BEND6: variants seen among roughly 807,000 people sequenced by gnomAD.
BEND6 encodes the protein BEN domain containing 6, also known as BEN domain-containing protein 6.
Under a neutral mutation model 31.8 loss-of-function variants are expected in BEND6, and 24 were observed. The observed-to-expected ratio is 0.75, with a 90% confidence interval of 0.55 to 1.06. BEND6 has a LOEUF of 1.06. Among genes scored for constraint, BEND6 ranks in the 50% least tolerant of loss-of-function variants. BEND6 has a pLI of 0.00. For synonymous variants in BEND6, 109 were observed against 114.6 expected (o/e 0.95, Z 0.31); for missense variants, 294 against 327.4 (o/e 0.90, Z 0.79).
chr6:57,026,459 C>T lies in BEND6; in HGVS notation c.*387C>T, dbSNP rs764328098. 4 of 152,214 alleles carry T rather than the reference C, an allele frequency of 2.6e-5. No individual in the cohort carries two copies. Among genetic ancestry groups the T allele is most frequent in the African/African-American group, 4.8e-5 (2 of 41,444 alleles). 9.4% of individuals were successfully genotyped at this position (152,214 alleles called of 1,614,324 possible). On this transcript the variant is annotated 3_prime_UTR_variant, in exon 7 of 7. Transcript: ENST00000370746. Reference sequence around the variant, plus strand: ...GCCCATAGGTTAGTCATTGTCCTAACCAATCATTGTACATTGATTATTACC... The same window carrying T: ...GCCCATAGGTTAGTCATTGTCCTAATCAATCATTGTACATTGATTATTACC...
At chr6:56,973,418 G>A (rs531482833) in intron 1 of BEND6, among the ~76,000 whole-genome samples, 1 of 152,248 alleles carries the variant, frequency 6.6e-6, no homozygotes, top group African/African-American at 2.4e-5. Context: ...ACAGTGGGTT[G>A]TACCGAACTC....
rs1311102644 is a variant in BEND6 at position 57,026,662 on chromosome 6, TA to T, written c.*595del. 2.0e-5 allele frequency: 3 copies of T among 152,212 alleles called. No individual in the cohort carries two copies. Among genetic ancestry groups the T allele is most frequent in the Admixed American group, 6.5e-5 (1 of 15,286 alleles). 9.4% of individuals were successfully genotyped at this position (152,212 alleles called of 1,614,324 possible). A position where few individuals can be genotyped will look rare whatever the true frequency, so the allele number is the denominator to read the frequency against. ...AAAATTACAGGATTATTCTGTTATC[TA>T]AAAATGTATAAAATGGGAATATGAA... On this transcript the variant is annotated 3_prime_UTR_variant, in exon 7 of 7. Coordinates refer to ENST00000370746, the MANE Select transcript of BEND6 (RefSeq NM_152731.3).
intron 3 of BEND6, among the ~76,000 whole-genome samples, chr6:56,995,607 ATTGT>A (rs1351693587): frequency 6.6e-6 from 1 of 152,078 alleles, no homozygotes; most frequent in African/African-American, 2.4e-5. Context: ...CTAGCTTCTG[ATTGT>A]TCCTTGGATA....
chr6:56,966,609 G>A (rs1338046040), intron 1 of BEND6, among the ~76,000 whole-genome samples: 1 of 152,222 alleles, frequency 6.6e-6, no homozygotes, highest in Non-Finnish European at 1.5e-5. Context: ...ATTGGGATAA[G>A]TGACACTGTG....
chr6:56,977,090 C>T (rs929027363), intron 1 of BEND6, among the ~76,000 whole-genome samples: 2 of 152,126 alleles, frequency 1.3e-5, no homozygotes, highest in Admixed American at 1.3e-4. Flanking sequence ...TCATATGGCT[C>T]ATTTGTTAGC....
At chr6:57,025,707 G>A (rs1292042431) in intron 6 of BEND6, among the ~76,000 whole-genome samples, 1 of 152,162 alleles carries the variant, frequency 6.6e-6, no homozygotes, top group Admixed American at 6.5e-5. Flanking sequence ...AATTTTCCTT[G>A]TGTTTGATGC....
chr6:56,969,733 G>GT (rs1231824306), intron 1 of BEND6, among the ~76,000 whole-genome samples: 1,816 of 140,768 alleles, frequency 0.013, 18 homozygotes, highest in African/African-American at 0.035. Context: ...TGGTGACTTT[G>GT]TTTTTTTTTT....
chr6:57,022,164 CTTTTTTTTT>C (rs57185788), intron 6 of BEND6, among the ~76,000 whole-genome samples: 1 of 111,162 alleles, frequency 9.0e-6, no homozygotes, highest in Non-Finnish European at 2.0e-5. Context: ...TTTTCTTTTT[CTTTTTTTTT>C]TTTTTTTTTG....
chr6:56,956,029 C>A (rs951162429), intron 1 of BEND6, among the ~76,000 whole-genome samples: 1 of 152,224 alleles, frequency 6.6e-6, no homozygotes, highest in Non-Finnish European at 1.5e-5. Flanking sequence ...GGCCAGGAAG[C>A]GGCTGCTGCA....
At chr6:56,957,635 T>G (rs1465842214) in intron 1 of BEND6, among the ~76,000 whole-genome samples, 1 of 152,150 alleles carries the variant, frequency 6.6e-6, no homozygotes, top group Non-Finnish European at 1.5e-5. Context: ...CAAAAAAAAT[T>G]GTTAAGTTTG....
intron 1 of BEND6, among the ~76,000 whole-genome samples, chr6:56,979,506 GT>G (rs1825997684): frequency 6.6e-6 from 1 of 152,116 alleles, no homozygotes; most frequent in South Asian, 2.1e-4. Context: ...ACCTATCAAT[GT>G]AAAAGACATT....
chr6:57,023,704 C>G (rs1340217811), intron 6 of BEND6, among the ~76,000 whole-genome samples: 1 of 152,148 alleles, frequency 6.6e-6, no homozygotes, highest in Non-Finnish European at 1.5e-5. Flanking sequence ...TTCTTGGGCT[C>G]CAGCGATCTT....
At chr6:57,021,882 A>G (rs1476504424) in intron 6 of BEND6, among the ~76,000 whole-genome samples, 2 of 152,192 alleles carry the variant, frequency 1.3e-5, no homozygotes, top group Admixed American at 6.5e-5. Context: ...CCTTCCTCCA[A>G]CGCAGGGTAT....
intron 2 of BEND6, among the ~76,000 whole-genome samples, chr6:56,987,029 G>A (rs147973103): frequency 6.8e-6 from 1 of 146,952 alleles, no homozygotes; most frequent in East Asian, 2.0e-4. Flanking sequence ...AGGCTGGAGT[G>A]CAGTGGCACA....
At chr6:57,008,421 A>T in intron 3 of BEND6, 1 of 582,600 alleles carries the variant, frequency 1.7e-6, no homozygotes, top group Non-Finnish European at 3.1e-6. Context: ...ATGTCAAGGC[A>T]GTGCTGTGGA....
chr6:57,017,302 C>T lies in BEND6; in HGVS notation c.615C>T (p.Tyr205=). 1 of 1,496,826 alleles carries T rather than the reference C, an allele frequency of 6.7e-7. No homozygotes were observed. Among genetic ancestry groups the T allele is most frequent in the South Asian group, 1.4e-5 (1 of 70,450 alleles). The allele number at this position is 1,496,826 out of a possible 1,614,324, so 92.7% of individuals were successfully genotyped here. ...TGCAAGTACTTTACACAAATGAATA[C>T]ATGGCCACTCACAGCCTGACAGGGG... ...DLMQVLYTNE[Y]MATHSLTGAK... Residue 205 remains tyrosine (Y), a synonymous_variant, in exon 5 of 7, where the codon TAC becomes TAT. Coordinates refer to ENST00000370746, the MANE Select transcript of BEND6 (RefSeq NM_152731.3).
At chr6:56,976,505 T>TTACAC (rs1257042174) in intron 1 of BEND6, among the ~76,000 whole-genome samples, 51 of 151,930 alleles carry the variant, frequency 3.4e-4, no homozygotes, top group Non-Finnish European at 1.5e-4. Context: ...GCGTTAGTGC[T>TTACAC]TCTAAGGCAG....
intron 6 of BEND6, among the ~76,000 whole-genome samples, chr6:57,023,977 G>T (rs907912513): frequency 2.6e-4 from 39 of 152,040 alleles, no homozygotes; most frequent in African/African-American, 9.2e-4. Flanking sequence ...AAAGGTTTTT[G>T]CATTGTGGTT....
chr6:56,961,445 G>A (rs559534721), intron 1 of BEND6, among the ~76,000 whole-genome samples: 2 of 152,218 alleles, frequency 1.3e-5, no homozygotes, highest in African/African-American at 4.8e-5. Context: ...ACTCCCACTG[G>A]GATGTCAGTT....
Sources: allele counts gnomAD v4.1 joint callset (sites outside exome capture counted in the v4.1 genomes callset), GRCh38; gene constraint gnomAD v4.1.1; transcripts MANE v1.5; gene names NCBI Gene and HGNC (gene_info 2026-07-23, HGNC 2026-07-21).